Variants in NIBAN2 observed in about 807,000 individuals in gnomAD.
The protein encoded by NIBAN2 is niban apoptosis regulator 2.
In NIBAN2, 36 loss-of-function variants were observed where a neutral mutation model predicts 81.8. The observed-to-expected ratio is 0.44, with a 90% CI of 0.34 to 0.58. The LOEUF (loss-of-function observed/expected upper bound fraction) is 0.58, where lower values mean the gene tolerates loss of function less well. Among genes scored for constraint, NIBAN2 ranks in the 20% least tolerant of loss-of-function variants. The pLI, the probability that NIBAN2 is intolerant of heterozygous loss-of-function variation, is 0.02. For synonymous variants in NIBAN2, 445 were observed against 441.6 expected (o/e 1.01, Z -0.10); for missense variants, 897 against 1,014.1 (o/e 0.88, Z 1.57).
intron 1 of NIBAN2, among the ~76,000 whole-genome samples, chr9:127,544,510 A>T (rs921138585): frequency 1.3e-5 from 2 of 149,380 alleles, no homozygotes; most frequent in South Asian, 2.1e-4. Context: ...TAATTAATTA[A>T]TTTTTTTTTT....
intron 1 of NIBAN2, among the ~76,000 whole-genome samples, chr9:127,532,137 C>T (rs922424764): frequency 1.5e-4 from 23 of 152,134 alleles, no homozygotes; most frequent in African/African-American, 4.8e-4. Flanking sequence ...ACAGCCATTT[C>T]GGAGGGTGGG....
rs563532889 is a variant in NIBAN2, at chr9:127,575,283, C to T, written c.16+3639G>A. 5.3e-5 allele frequency among the ~76,000 whole-genome samples: 8 copies of T among 149,754 alleles called. No homozygotes were observed. The East Asian group carries it at 1.6e-3, about 29-fold the overall frequency. ...TCGCTCTGTCACCCAGGCTGGAGTG[C>T]AGTGGTGCGATCTCGGCTCACTGCA... On this transcript the variant is annotated intron_variant, in intron 1 of 13. Coordinates refer to the NIBAN2 transcript ENST00000373314.
chr9:127,510,130 G>A lies in NIBAN2; in HGVS notation c.1161+16C>T, dbSNP rs1475131638. On this transcript the variant is annotated intron_variant, in intron 9 of 13. Transcript: ENST00000373312. Reference sequence around the variant, plus strand: ...ACTCTCAGGAGACCCCCTCCTAGGGGCGGTGCCGGCCTCACCTCGCCCAGC... The same window carrying A: ...ACTCTCAGGAGACCCCCTCCTAGGGACGGTGCCGGCCTCACCTCGCCCAGC... 1.3e-6 allele frequency: 2 copies of A among 1,597,032 alleles called. No individual in the cohort carries two copies. The highest frequency in any genetic ancestry group is 1.7e-6 in the Non-Finnish European group (2 of 1,169,608).
intron 8 of NIBAN2, among the ~76,000 whole-genome samples, chr9:127,510,782 G>A (rs1836723960): frequency 6.6e-6 from 1 of 152,098 alleles, no homozygotes; most frequent in African/African-American, 2.4e-5. Flanking sequence ...GTCCAGGCCG[G>A]AGTGCAGTGG....
At position 127,523,660 on chromosome 9, in the gene NIBAN2, G is replaced by A. The variant is rs779803631; in HGVS notation, c.589+19C>T. The stretch of plus-strand genomic sequence containing the variant: ...CCTGCCCCTCCCTCCCACCGACCCT[G>A]CACCCACAGGCCACTCACCATTGTT... On this transcript the variant is annotated intron_variant, in intron 5 of 13. Coordinates refer to ENST00000373312, the MANE Select transcript of NIBAN2 (RefSeq NM_022833.4). 1 of 1,599,700 alleles carries A rather than the reference G, an allele frequency of 6.3e-7. No homozygotes were observed. The highest frequency in any genetic ancestry group is 8.6e-7 in the Non-Finnish European group (1 of 1,168,626).
At chr9:127,552,684 GTTTTTTTT>G (rs919155330) in intron 1 of NIBAN2, among the ~76,000 whole-genome samples, 3 of 97,974 alleles carry the variant, frequency 3.1e-5, no homozygotes, top group Non-Finnish European at 5.9e-5. Context: ...TGGAATATTC[GTTTTTTTT>G]TTTTTTTTTT....
chr9:127,576,421 G>T (rs549069064), intron 1 of NIBAN2, among the ~76,000 whole-genome samples: 1 of 152,104 alleles, frequency 6.6e-6, no homozygotes, highest in Non-Finnish European at 1.5e-5. Flanking sequence ...TCAGGCAGGG[G>T]GCCGCTGAAG....
chr9:127,565,946 T>TCACA (rs10682812), intron 1 of NIBAN2, among the ~76,000 whole-genome samples: 1,498 of 130,570 alleles, frequency 0.011, 32 homozygotes, highest in East Asian at 0.024. Context: ...TCTCTCTCTC[T>TCACA]CACACACACA....
At chr9:127,526,895 C>A (rs1215889236) in intron 3 of NIBAN2, among the ~76,000 whole-genome samples, 2 of 151,956 alleles carry the variant, frequency 1.3e-5, no homozygotes, top group Non-Finnish European at 2.9e-5. Context: ...CGCCCTGGAG[C>A]CAGCTGGAGG....
rs747067595 is a variant in NIBAN2, at chr9:127,508,372, G to A, written c.1434+50C>T. ...TGGTGGTGGCCGGGGATGAGGCTCG[G>A]GGCTCGGCCTCGCCTAGGACGGTCC... On this transcript the variant is annotated intron_variant, in intron 11 of 13. Coordinates refer to ENST00000373312, the MANE Select transcript of NIBAN2 (RefSeq NM_022833.4). The surrounding 1 kb of genome is among the most constrained non-coding windows in gnomAD (Gnocchi z 6.4). 1.3e-5 allele frequency: 19 copies of A among 1,502,582 alleles called. No homozygotes were observed. The highest frequency in any genetic ancestry group is 2.3e-5 in the East Asian group (1 of 44,248). The allele number at this position is 1,502,582 out of a possible 1,614,324, so 93.1% of individuals were successfully genotyped here.
intron 1 of NIBAN2, among the ~76,000 whole-genome samples, chr9:127,574,114 G>A (rs1564324525): frequency 2.0e-5 from 3 of 152,154 alleles, no homozygotes; most frequent in Admixed American, 1.3e-4. Context: ...GACTCTGGAC[G>A]CTGTCTCTAT....
Position 127,507,282 on chromosome 9 carries a change from G to GGCTGCCGCCCCCGCCGCTGTT in NIBAN2, c.1783_1803dup (p.Asn595_Ser601dup), listed in dbSNP as rs1302794012. ...GCTGACTCCGGGGTGCTGGGGCTGG[G>GGCTGCCGCCCCCGCCGCTGTT]GCTGCCGCCCCCGCCGCTGTTGCTG... On this transcript the variant is annotated inframe_insertion, in exon 14 of 14. Coordinates refer to ENST00000373312, the MANE Select transcript of NIBAN2 (RefSeq NM_022833.4). The surrounding 1 kb of genome is among the most constrained non-coding windows in gnomAD (Gnocchi z 6.8). 9 of 1,594,232 alleles carry GGCTGCCGCCCCCGCCGCTGTT rather than the reference G, an allele frequency of 5.6e-6. No homozygotes were observed. The highest frequency in any genetic ancestry group is 7.7e-6 in the Non-Finnish European group (9 of 1,167,330).
At chr9:127,519,285 C>T (rs920366315) in intron 5 of NIBAN2, among the ~76,000 whole-genome samples, 1 of 151,700 alleles carries the variant, frequency 6.6e-6, no homozygotes, top group African/African-American at 2.4e-5. Flanking sequence ...GTGGCCCAAA[C>T]GCCAGCAAGG....
At chr9:127,565,732 G>A (rs1333712291) in intron 1 of NIBAN2, among the ~76,000 whole-genome samples, 1 of 144,494 alleles carries the variant, frequency 6.9e-6, no homozygotes, top group African/African-American at 2.6e-5. Flanking sequence ...GCAGTGGGCT[G>A]AGATTGTGCC....
Position 127,509,095 on chromosome 9 carries a change from G to C in NIBAN2, c.1198C>G (p.Leu400Val). Residue 400 changes from leucine to valine, a missense_variant, in exon 10 of 14, where the codon CTG (leucine) becomes GTG (valine). This residue lies in a region of NIBAN2 where 619 missense variants were observed against 691.0 expected (regional missense o/e 0.90). Transcript: ENST00000373312. ...EKLSRLAYHPLKMQSCYEKME... is the reference protein window; with the variant it reads ...EKLSRLAYHPVKMQSCYEKME... ...TTCTCATAGCAGCTCTGCATCTTCA[G>C]GGGGTGGTACGCCAGCCGGGACAGC... 6.2e-7 allele frequency: 1 copy of C among 1,613,016 alleles called. No individual in the cohort carries two copies. Among genetic ancestry groups the C allele is most frequent in the Non-Finnish European group, 8.5e-7 (1 of 1,179,862 alleles).
chr9:127,537,605 CCCTTAG>C (rs1398955772), intron 1 of NIBAN2, among the ~76,000 whole-genome samples: 4 of 152,144 alleles, frequency 2.6e-5, no homozygotes, highest in Non-Finnish European at 5.9e-5. Context: ...CCTGGCATAA[CCCTTAG>C]CCTCTGCTGG....
At chr9:127,520,654 G>A (rs1319946902) in intron 5 of NIBAN2, among the ~76,000 whole-genome samples, 6 of 152,128 alleles carry the variant, frequency 3.9e-5, no homozygotes, top group African/African-American at 1.2e-4. Context: ...AGTGACTCAC[G>A]CCTGTAATCC....
At chr9:127,524,891 T>C in intron 4 of NIBAN2, 167 bp downstream of exon 4, 1 of 590,794 alleles carries the variant, frequency 1.7e-6, no homozygotes, top group East Asian at 2.9e-5. Flanking sequence ...CTCAAGGACT[T>C]AGGGAGATGC....
intron 2 of NIBAN2, 87 bp downstream of exon 2, chr9:127,531,561 C>T (rs1426905370): frequency 7.4e-7 from 1 of 1,356,774 alleles, no homozygotes; most frequent in African/African-American, 1.4e-5. Context: ...CAATGGGAAA[C>T]TGAGGCCCAG....
Sources: gnomAD v4.1 joint callset for allele counts (sites outside exome capture counted in the v4.1 genomes callset) on GRCh38, gnomAD v4.1.1 for gene constraint, gnomAD v4.1.1 regional missense constraint, Gnocchi (gnomAD v3.1) non-coding constraint, MANE v1.5 for transcripts, NCBI Gene and HGNC (gene_info 2026-07-23, HGNC 2026-07-21) for gene names.